Variants in KIRREL3 observed in about 807,000 individuals in gnomAD.
KIRREL3 encodes kirre like nephrin family adhesion molecule 3.
KIRREL3 carries 36 observed loss-of-function variants against 89.7 expected under a neutral mutation model. That is an observed-to-expected ratio of 0.40 (90% CI 0.31 to 0.53). The LOEUF is 0.53. KIRREL3 is among the 20% of genes least tolerant of loss of function. The probability of loss-of-function intolerance (pLI) is 0.49; values close to 1 mark genes in which losing one functional copy is unlikely to be tolerated. For missense variants in KIRREL3, 864 were observed against 1,056.6 expected (o/e 0.82, Z 2.53); for synonymous variants, 445 against 441.4 (o/e 1.01, Z -0.10).
Position 126,740,745 on chromosome 11 carries a change from T to C in KIRREL3, c.56-177833A>G, listed in dbSNP as rs1946090. On this transcript the variant is annotated intron_variant, in intron 1 of 16. Coordinates refer to ENST00000525144, the MANE Select transcript of KIRREL3 (RefSeq NM_032531.4). The surrounding 1 kb of genome is among the most constrained non-coding windows in gnomAD (Gnocchi z 6.0). Reference sequence around the variant, plus strand: ...GGGAGCACAAAAATGGCCTGAAAGATAAATTTGTATTTTTGCATTGCTGGG... The same window carrying C: ...GGGAGCACAAAAATGGCCTGAAAGACAAATTTGTATTTTTGCATTGCTGGG... Among the ~76,000 whole-genome samples the C allele has an allele frequency of 0.38, 57,598 of 151,934 alleles. 12,077 individuals carry two copies. Among genetic ancestry groups the C allele is most frequent in the East Asian group, 0.82 (4,218 of 5,154 alleles).
chr11:126,862,683 C>T (rs1245973764), intron 1 of KIRREL3, among the ~76,000 whole-genome samples: 1 of 152,140 alleles, frequency 6.6e-6, no homozygotes, highest in Non-Finnish European at 1.5e-5. Context: ...CAGTCACTAT[C>T]GACTACTCCC....
At chr11:126,717,401 G>A (rs1047961566) in intron 1 of KIRREL3, among the ~76,000 whole-genome samples, 5 of 152,242 alleles carry the variant, frequency 3.3e-5, no homozygotes, top group Non-Finnish European at 7.3e-5. Context: ...TGTACAAGTG[G>A]CTATGTGAAC....
chr11:126,842,079 G>A (rs774947968), intron 1 of KIRREL3, among the ~76,000 whole-genome samples: 2 of 152,100 alleles, frequency 1.3e-5, no homozygotes, highest in Non-Finnish European at 2.9e-5. Flanking sequence ...GAAGAGGCAC[G>A]GCAGAGGAGA....
rs1321151154 is a variant in KIRREL3, at chr11:126,544,177, C to T, written c.134-17490G>A. 2.0e-5 allele frequency: 3 copies of T among 152,222 alleles called. No individual in the cohort carries two copies. The highest frequency in any genetic ancestry group is 2.1e-4 in the South Asian group (1 of 4,834). The allele number at this position is 152,222 out of a possible 1,614,324, so 9.4% of individuals were successfully genotyped here. ...TTCAACCCCCCTCTCCTAAACGCAACGATATTTGGTAACATGCGGCATCTT... is the reference window on the plus strand; with the variant it reads ...TTCAACCCCCCTCTCCTAAACGCAATGATATTTGGTAACATGCGGCATCTT... On this transcript the variant is annotated intron_variant, in intron 2 of 16. Transcript: ENST00000525144. This position sits in a 1 kb window ranked among gnomAD's most constrained non-coding sequence, Gnocchi z 5.6.
chr11:126,533,852 G>A lies in KIRREL3; in HGVS notation c.134-7165C>T, dbSNP rs988653764. 2.6e-5 allele frequency among the ~76,000 whole-genome samples: 4 copies of A among 152,270 alleles called. No homozygotes were observed. In the East Asian group the frequency reaches 7.7e-4, roughly 29 times the overall value. ...GGATGCATCTGGGCCACTTGACTCCGGGGCTGGCTCACAACAAATGCTCAG... is the reference window on the plus strand; with the variant it reads ...GGATGCATCTGGGCCACTTGACTCCAGGGCTGGCTCACAACAAATGCTCAG... On this transcript the variant is annotated intron_variant, in intron 2 of 16. Transcript: ENST00000525144.
At position 126,608,470 on chromosome 11, in the gene KIRREL3, C is replaced by T. The variant is rs1177575770; in HGVS notation, c.56-45558G>A. Among the ~76,000 whole-genome samples the T allele has an allele frequency of 6.7e-6, 1 of 149,384 alleles. No individual in the cohort carries two copies. Among genetic ancestry groups the T allele is most frequent in the Non-Finnish European group, 1.5e-5 (1 of 66,642 alleles). On this transcript the variant is annotated intron_variant, in intron 1 of 16. Transcript: ENST00000525144. This position sits in a 1 kb window ranked among gnomAD's most constrained non-coding sequence, Gnocchi z 4.9. ...TTAGCCCCTGGTGCCCTTCCTCTGTCTGTGGGAGGTGCGCGTCTGGCATTC... is the reference window on the plus strand; with the variant it reads ...TTAGCCCCTGGTGCCCTTCCTCTGTTTGTGGGAGGTGCGCGTCTGGCATTC...
chr11:126,870,750 C>T lies in KIRREL3; in HGVS notation c.55+129705G>A, dbSNP rs1017818320. Reference sequence around the variant, plus strand: ...GGTCACGAGGCATACCCAGCTCCTGCCATTACAGAGGAGGACAGCTACCCA... The same window carrying T: ...GGTCACGAGGCATACCCAGCTCCTGTCATTACAGAGGAGGACAGCTACCCA... On this transcript the variant is annotated intron_variant, in intron 1 of 16. Coordinates refer to ENST00000525144, the MANE Select transcript of KIRREL3 (RefSeq NM_032531.4). The surrounding 1 kb of genome is among the most constrained non-coding windows in gnomAD (Gnocchi z 4.4). Among the ~76,000 whole-genome samples, 1 of 152,208 alleles carries T rather than the reference C, an allele frequency of 6.6e-6. No homozygotes were observed. The highest frequency in any genetic ancestry group is 1.5e-5 in the Non-Finnish European group (1 of 68,032).
At chr11:126,787,272 G>A (rs775267567) in intron 1 of KIRREL3, among the ~76,000 whole-genome samples, 2 of 152,112 alleles carry the variant, frequency 1.3e-5, no homozygotes, top group Non-Finnish European at 2.9e-5. Context: ...TGCAAGACAT[G>A]GACCAGAAAA....
chr11:126,433,884 C>T (rs567954211), intron 13 of KIRREL3, among the ~76,000 whole-genome samples: 29 of 152,364 alleles, frequency 1.9e-4, no homozygotes, highest in Admixed American at 1.6e-3. Flanking sequence ...GGCCTCAGTG[C>T]CTTGTCTGCA....
chr11:126,436,557 C>T lies in KIRREL3; in HGVS notation c.1552+254G>A, dbSNP rs1172409354. ...GTGGTCACCTCCCACTGAAGCATCG[C>T]CCTCAAGGGCTGCCCCTCTGAGCTG... is the stretch of plus-strand genomic sequence containing the variant. On this transcript the variant is annotated intron_variant, in intron 12 of 16. Coordinates refer to ENST00000525144, the MANE Select transcript of KIRREL3 (RefSeq NM_032531.4). Among the ~76,000 whole-genome samples the T allele has an allele frequency of 2.0e-5, 3 of 152,264 alleles. No homozygotes were observed. In the East Asian group the frequency reaches 5.8e-4, roughly 29 times the overall value.
Position 126,993,883 on chromosome 11 carries a change from C to T in KIRREL3, c.55+6572G>A, listed in dbSNP as rs1950107882. Among the ~76,000 whole-genome samples the T allele has an allele frequency of 6.6e-6, 1 of 152,064 alleles. No individual in the cohort carries two copies. Among genetic ancestry groups the T allele is most frequent in the African/African-American group, 2.4e-5 (1 of 41,398 alleles). On this transcript the variant is annotated intron_variant, in intron 1 of 16. Coordinates refer to ENST00000525144, the MANE Select transcript of KIRREL3 (RefSeq NM_032531.4). The surrounding 1 kb of genome is among the most constrained non-coding windows in gnomAD (Gnocchi z 6.1). Reference sequence around the variant, plus strand: ...CCTCAGATTTCAGATTCCAGTTGTCCAGGCATAAGTTAAAAAGAATCTGCA... The same window carrying T: ...CCTCAGATTTCAGATTCCAGTTGTCTAGGCATAAGTTAAAAAGAATCTGCA...
At chr11:126,741,042 A>C (rs1018685278) in intron 1 of KIRREL3, among the ~76,000 whole-genome samples, 1 of 152,176 alleles carries the variant, frequency 6.6e-6, no homozygotes, top group Non-Finnish European at 1.5e-5. Flanking sequence ...GGAATGGAAA[A>C]CCATCTCCTG....
intron 7 of KIRREL3, among the ~76,000 whole-genome samples, chr11:126,451,533 TGTGA>T (rs1182587270): frequency 3.3e-5 from 5 of 150,862 alleles, no homozygotes; most frequent in African/African-American, 1.2e-4. Flanking sequence ...TGGGTGCATG[TGTGA>T]GAGTGTGCAT....
intron 10 of KIRREL3, chr11:126,440,782 G>A: frequency 3.4e-6 from 2 of 592,402 alleles, no homozygotes; most frequent in Non-Finnish European, 6.0e-6. Flanking sequence ...ACCCCCAGAA[G>A]ATACAAATAA....
chr11:126,835,619 C>G (rs1485627432), intron 1 of KIRREL3, among the ~76,000 whole-genome samples: 1 of 152,180 alleles, frequency 6.6e-6, no homozygotes, highest in Non-Finnish European at 1.5e-5. Flanking sequence ...TCAGTGTGAA[C>G]AGAGGCATGG....
intron 4 of KIRREL3, among the ~76,000 whole-genome samples, chr11:126,478,183 C>A (rs562677730): frequency 6.7e-4 from 102 of 151,682 alleles, no homozygotes; most frequent in Admixed American, 1.7e-3. Context: ...CTGTCTGTAA[C>A]GCTCTTTCCT....
At chr11:126,716,496 G>A (rs545324053) in intron 1 of KIRREL3, among the ~76,000 whole-genome samples, 2 of 152,202 alleles carry the variant, frequency 1.3e-5, no homozygotes, top group African/African-American at 4.8e-5. Flanking sequence ...TGTTTCAGAT[G>A]ACACAGGTCA....
At position 126,890,799 on chromosome 11, in the gene KIRREL3, C is replaced by T. The variant is rs1945889010; in HGVS notation, c.55+109656G>A. On this transcript the variant is annotated intron_variant, in intron 1 of 16. Transcript: ENST00000525144. The surrounding 1 kb of genome is among the most constrained non-coding windows in gnomAD (Gnocchi z 5.1). ...CAGCACCACAGCGGCCTGCCTGTGC[C>T]CAGCGCTGCCCCAGCATCCTCCCAA... 6.6e-6 allele frequency among the ~76,000 whole-genome samples: 1 copy of T among 152,210 alleles called. No homozygotes were observed. The highest frequency in any genetic ancestry group is 1.5e-5 in the Non-Finnish European group (1 of 68,044).
chr11:126,821,085 C>T (rs933178054), intron 1 of KIRREL3, among the ~76,000 whole-genome samples: 1 of 152,032 alleles, frequency 6.6e-6, no homozygotes, highest in African/African-American at 2.4e-5. Context: ...TGTGGCTTCA[C>T]TATGAATGGA....
Sources: allele counts gnomAD v4.1 joint callset (sites outside exome capture counted in the v4.1 genomes callset), GRCh38; gene constraint gnomAD v4.1.1; non-coding constraint Gnocchi (gnomAD v3.1); transcripts MANE v1.5; gene names NCBI Gene and HGNC (gene_info 2026-07-23, HGNC 2026-07-21).